TMEM269: variants seen among roughly 807,000 people sequenced by gnomAD.
The protein encoded by TMEM269 is transmembrane protein 269.
Under a neutral mutation model 15.8 loss-of-function variants are expected in TMEM269, and 12 were observed. The ratio of observed to expected loss-of-function variants is 0.76; its 90% CI spans 0.49 to 1.23. The LOEUF is 1.23. Ranked by LOEUF, TMEM269 falls within the 50% of genes most tolerant of loss-of-function variation. The pLI is 0.00. For missense variants in TMEM269, 211 were observed against 245.4 expected (o/e 0.86, Z 0.94); for synonymous variants, 93 against 99.3 (o/e 0.94, Z 0.38).
rs1653855944 is a variant in TMEM269, at chr1:42,799,717, T to C, written c.*1492T>C. 6.6e-6 allele frequency: 1 copy of C among 152,244 alleles called. No individual in the cohort carries two copies. The highest frequency in any genetic ancestry group is 1.5e-5 in the Non-Finnish European group (1 of 68,038). The allele number at this position is 152,244 out of a possible 1,614,324, so 9.4% of individuals were successfully genotyped here. ...TATAATGTGGTAAGAATTTTACAAATATACACGAGCTTAGACATTTCAATA... is the reference window on the plus strand; with the variant it reads ...TATAATGTGGTAAGAATTTTACAAACATACACGAGCTTAGACATTTCAATA... On this transcript the variant is annotated 3_prime_UTR_variant, in exon 6 of 6. Coordinates refer to ENST00000637012, the MANE Select transcript of TMEM269 (RefSeq NM_001354602.2).
rs1410780770 is a variant in TMEM269, at chr1:42,800,334, A to G, written c.*2109A>G. The G allele has an allele frequency of 6.6e-6, 1 of 152,210 alleles. No homozygotes were observed. Among genetic ancestry groups the G allele is most frequent in the Non-Finnish European group, 1.5e-5 (1 of 68,038 alleles). The allele number at this position is 152,210 out of a possible 1,614,324, so 9.4% of individuals were successfully genotyped here. On this transcript the variant is annotated 3_prime_UTR_variant, in exon 6 of 6. Coordinates refer to ENST00000637012, the MANE Select transcript of TMEM269 (RefSeq NM_001354602.2). ...CTATACGGGCTTGAGGGTCTCAGAT[A>G]CTAAGGCTACTCATTCAATGCCTTC...
chr1:42,793,055 CAGG>C (rs1653727974), intron 3 of TMEM269, among the ~76,000 whole-genome samples, 153 bp downstream of exon 3: 1 of 152,202 alleles, frequency 6.6e-6, no homozygotes, highest in Non-Finnish European at 1.5e-5. Flanking sequence ...AGCCCTGGAG[CAGG>C]AGTTCAGGAG....
intron 2 of TMEM269, 67 bp downstream of exon 2, chr1:42,790,001 A>G (rs1327286099): frequency 1.3e-5 from 16 of 1,191,104 alleles, no homozygotes; most frequent in Admixed American, 2.0e-5. Flanking sequence ...AAGGAGAGGG[A>G]GAGTTTGGAG....
intron 2 of TMEM269, 90 bp from the exon 3 acceptor site, chr1:42,792,715 A>G (rs2124218251): frequency 1.3e-6 from 1 of 758,598 alleles, no homozygotes; most frequent in African/African-American, 1.7e-5. Flanking sequence ...ATATTAGTGT[A>G]TACTAATATA....
chr1:42,790,582 C>A (rs924593077), intron 2 of TMEM269, among the ~76,000 whole-genome samples: 3 of 134,910 alleles, frequency 2.2e-5, no homozygotes, highest in African/African-American at 5.6e-5. Context: ...CAGAAAATTT[C>A]TTTTTTTAAG....
chr1:42,794,711 T>C (rs1169432159), intron 5 of TMEM269, 98 bp downstream of exon 5: 4 of 862,664 alleles, frequency 4.6e-6, no homozygotes, highest in Non-Finnish European at 7.5e-6. Flanking sequence ...TTCTGCTTTA[T>C]TTTTCCCCAT....
intron 1 of TMEM269, among the ~76,000 whole-genome samples, chr1:42,785,520 G>A (rs2124206794): frequency 6.6e-6 from 1 of 151,474 alleles, no homozygotes; most frequent in South Asian, 2.1e-4. Flanking sequence ...CCCCACCCCC[G>A]TCTCCTGGCC....
At chr1:42,790,455 C>CTTTGG (rs1653664328) in intron 2 of TMEM269, among the ~76,000 whole-genome samples, 2 of 152,258 alleles carry the variant, frequency 1.3e-5, no homozygotes, top group Admixed American at 1.3e-4. Flanking sequence ...ATTTGTTTCT[C>CTTTGG]ATCCACAAAA....
Position 42,794,413 on chromosome 1 carries a change from G to A in TMEM269, c.284G>A (p.Gly95Glu). 6.5e-7 allele frequency: 1 copy of A among 1,550,050 alleles called. No individual in the cohort carries two copies. The highest frequency in any genetic ancestry group is 8.7e-7 in the Non-Finnish European group (1 of 1,146,656). ...ASFHLCFYSP[G>E]VPSTYKGLPC... ...TAATCTCCAGCGTTCTTCCTGGCAG[G>A]AGTCCCCTCCACATACAAGGGTCTA... is the stretch of plus-strand genomic sequence containing the variant. The change falls in exon 5 of 6, where the codon GGA (glycine) becomes GAA (glutamate). Residue 95 changes from glycine to glutamate, a missense_variant and splice_region_variant. Gly to Glu is a moderately conservative substitution (Grantham distance 98). Transcript: ENST00000637012.
intron 2 of TMEM269, among the ~76,000 whole-genome samples, chr1:42,790,748 C>T (rs1315416391): frequency 6.6e-6 from 1 of 152,038 alleles, no homozygotes; most frequent in African/African-American, 2.4e-5. Context: ...AATTTCTATC[C>T]TCTTAGTACA....
At position 42,797,741 on chromosome 1, in the gene TMEM269, CAT is replaced by C. The variant is rs1653812739; in HGVS notation, c.485-356_485-355del. 7 of 476,970 alleles carry C rather than the reference CAT, an allele frequency of 1.5e-5. No individual in the cohort carries two copies. Among genetic ancestry groups the C allele is most frequent in the Admixed American group, 2.4e-5 (1 of 42,328 alleles). The allele number at this position is 476,970 out of a possible 1,614,324, so 29.5% of individuals were successfully genotyped here. Reference sequence around the variant, plus strand: ...TATCATACTGCATTGGTCGTTATCACATGTTAAATTTAAAACAATGAGGAAGA... The same window carrying C: ...TATCATACTGCATTGGTCGTTATCACGTTAAATTTAAAACAATGAGGAAGA... On this transcript the variant is annotated intron_variant, in intron 5 of 5. Transcript: ENST00000637012. The surrounding 1 kb of genome is among the most constrained non-coding windows in gnomAD (Gnocchi z 4.9).
intron 5 of TMEM269, among the ~76,000 whole-genome samples, chr1:42,796,079 C>G (rs1168922886): frequency 1.3e-5 from 2 of 152,178 alleles, no homozygotes; most frequent in African/African-American, 4.8e-5. Flanking sequence ...TCAATTTTAT[C>G]CATCTGTAAA....
intron 2 of TMEM269, among the ~76,000 whole-genome samples, chr1:42,792,140 A>T (rs1422175737): frequency 6.6e-6 from 1 of 152,082 alleles, no homozygotes; most frequent in Non-Finnish European, 1.5e-5. Flanking sequence ...TAACCAAGTT[A>T]AAAAAAAGAC....
chr1:42,793,874 GC>G, intron 4 of TMEM269, 130 bp downstream of exon 4: 1 of 1,039,706 alleles, frequency 9.6e-7, no homozygotes, highest in Non-Finnish European at 1.4e-6. Context: ...CTCCTTGCGT[GC>G]CCCATGCCCC....
chr1:42,796,921 G>A (rs1315650399), intron 5 of TMEM269: 1 of 151,856 alleles, frequency 6.6e-6, no homozygotes, highest in Non-Finnish European at 1.5e-5. Context: ...TACTCTCTTT[G>A]TCCTCTTTTT....
Position 42,798,722 on chromosome 1 carries a change from A to G in TMEM269, c.*497A>G, listed in dbSNP as rs1252331296. On this transcript the variant is annotated 3_prime_UTR_variant, in exon 6 of 6. Transcript: ENST00000637012. ...AATGTGTGTAGGATTTTGTAACTTCAACATTCTGGGTTTTTTTTTTTTTTT... is the reference window on the plus strand; with the variant it reads ...AATGTGTGTAGGATTTTGTAACTTCGACATTCTGGGTTTTTTTTTTTTTTT... 7.2e-6 allele frequency: 1 copy of G among 139,664 alleles called. No homozygotes were observed. Among genetic ancestry groups the G allele is most frequent in the East Asian group, 2.0e-4 (1 of 4,994 alleles). The allele number at this position is 139,664 out of a possible 1,614,324, so 8.7% of individuals were successfully genotyped here.
Position 42,793,622 on chromosome 1 carries a change from CCGT to C in TMEM269, c.163_165del (p.Val55del), listed in dbSNP as rs1010100119. On this transcript the variant is annotated inframe_deletion, in exon 4 of 6. Coordinates refer to ENST00000637012, the MANE Select transcript of TMEM269 (RefSeq NM_001354602.2). ...GCAGGAGCCGAGCTGAATGACTTTGCCGTCTTCACCACCTTCGGCTTGGCCTCC... is the reference window on the plus strand; with the variant it reads ...GCAGGAGCCGAGCTGAATGACTTTGCCTTCACCACCTTCGGCTTGGCCTCC... 1.3e-6 allele frequency: 2 copies of C among 1,549,918 alleles called. No individual in the cohort carries two copies. The highest frequency in any genetic ancestry group is 2.7e-5 in the African/African-American group (2 of 73,002).
At chr1:42,795,116 A>G (rs111620081) in intron 5 of TMEM269, among the ~76,000 whole-genome samples, 36 of 152,214 alleles carry the variant, frequency 2.4e-4, no homozygotes, top group Non-Finnish European at 4.6e-4. Context: ...TCAGGCTGGC[A>G]TGATCTGAAG....
At chr1:42,787,019 A>G (rs1001965753) in intron 1 of TMEM269, among the ~76,000 whole-genome samples, 7 of 152,204 alleles carry the variant, frequency 4.6e-5, no homozygotes, top group Non-Finnish European at 8.8e-5. Context: ...AAGATAAGGT[A>G]CCACTATGAA....
Sources: gnomAD v4.1 joint callset for allele counts (sites outside exome capture counted in the v4.1 genomes callset) on GRCh38, gnomAD v4.1.1 for gene constraint, Gnocchi (gnomAD v3.1) non-coding constraint, MANE v1.5 for transcripts, NCBI Gene and HGNC (gene_info 2026-07-23, HGNC 2026-07-21) for gene names.